The following CCNY variants were observed in gnomAD, a reference collection of about 807,000 sequenced individuals.
CCNY encodes cyclin Y, also known as cyclin-Y.
CCNY carries 19 observed loss-of-function variants against 42.8 expected under a neutral mutation model. The observed-to-expected ratio is 0.44, with a 90% CI of 0.31 to 0.65. CCNY has a LOEUF of 0.65. Among genes scored for constraint, CCNY ranks in the 30% least tolerant of loss-of-function variants. The pLI, the probability that CCNY is intolerant of heterozygous loss-of-function variation, is 0.07. For missense variants in CCNY, 370 were observed against 437.3 expected (o/e 0.85, Z 1.37); for synonymous variants, 165 against 162.7 (o/e 1.01, Z -0.11).
At chr10:35,537,371 T>A (rs1423151460) in intron 7 of CCNY, among the ~76,000 whole-genome samples, 1 of 152,198 alleles carries the variant, frequency 6.6e-6, no homozygotes, top group African/African-American at 2.4e-5. Context: ...GAGTCCCTGC[T>A]GGGGCACTGC....
At chr10:35,300,533 T>C (rs1452254537) in intron 3 of CCNY, among the ~76,000 whole-genome samples, 1 of 152,214 alleles carries the variant, frequency 6.6e-6, no homozygotes, top group Non-Finnish European at 1.5e-5. Flanking sequence ...TACTGCTTCA[T>C]GGCCAGAAGC....
intron 1 of CCNY, among the ~76,000 whole-genome samples, chr10:35,346,706 A>G (rs1038585480): frequency 2.0e-5 from 3 of 152,188 alleles, no homozygotes; most frequent in African/African-American, 7.2e-5. Flanking sequence ...GCTCACTGCA[A>G]ACCTCCGCCT....
intron 1 of CCNY, among the ~76,000 whole-genome samples, chr10:35,461,598 C>T (rs1270744637): frequency 2.6e-5 from 4 of 152,064 alleles, no homozygotes; most frequent in African/African-American, 7.2e-5. Context: ...TTCAGAAACC[C>T]GACCAAAGCT....
chr10:35,554,484 A>C (rs1187765551), intron 8 of CCNY, among the ~76,000 whole-genome samples: 8 of 152,232 alleles, frequency 5.3e-5, no homozygotes, highest in Non-Finnish European at 1.2e-4. Flanking sequence ...CTACTAAAAT[A>C]GTTGTCATTC....
chr10:35,287,858 G>GCA (rs1835372249), intron 3 of CCNY, among the ~76,000 whole-genome samples: 1 of 152,098 alleles, frequency 6.6e-6, no homozygotes, highest in African/African-American at 2.4e-5. Context: ...GTTTCAGCAT[G>GCA]TTGGCCACGC....
intron 1 of CCNY, among the ~76,000 whole-genome samples, chr10:35,436,315 C>T (rs781190914): frequency 9.9e-5 from 15 of 152,230 alleles, no homozygotes; most frequent in Non-Finnish European, 2.1e-4. Context: ...CACCCCTCAG[C>T]AGGTATCTAG....
intron 3 of CCNY, among the ~76,000 whole-genome samples, chr10:35,513,793 T>C (rs1840369780): frequency 6.6e-6 from 1 of 152,162 alleles, no homozygotes; most frequent in South Asian, 2.1e-4. Context: ...CTAGCAAAGA[T>C]GGGAACCTAA....
At chr10:35,561,232 A>C (rs544096580) in intron 8 of CCNY, among the ~76,000 whole-genome samples, 1 of 152,250 alleles carries the variant, frequency 6.6e-6, no homozygotes, top group East Asian at 1.9e-4. Flanking sequence ...AAGTGGGAAA[A>C]GAGTCAGTGG....
chr10:35,355,924 A>G (rs1336329345), intron 1 of CCNY, among the ~76,000 whole-genome samples: 1 of 149,202 alleles, frequency 6.7e-6, no homozygotes, highest in East Asian at 2.0e-4. Flanking sequence ...TTTTTTTTTT[A>G]GCAGCTTATG....
intron 3 of CCNY, among the ~76,000 whole-genome samples, chr10:35,322,353 CAAAA>C (rs34956470): frequency 9.8e-6 from 1 of 101,752 alleles, no homozygotes; most frequent in Non-Finnish European, 2.0e-5. Flanking sequence ...GACTCTGTCT[CAAAA>C]AAAAAAAAAA....
chr10:35,529,947 T>C (rs767736954), intron 5 of CCNY, 26 bp from the exon 6 acceptor site: 3 of 1,592,012 alleles, frequency 1.9e-6, no homozygotes, highest in Non-Finnish European at 2.6e-6. Context: ...AAAGTAAGTT[T>C]CATTTTCTAT....
At chr10:35,550,690 A>G (rs1379862307) in intron 7 of CCNY, among the ~76,000 whole-genome samples, 1 of 152,178 alleles carries the variant, frequency 6.6e-6, no homozygotes, top group Non-Finnish European at 1.5e-5. Flanking sequence ...TAGTTTAGGC[A>G]CTTGCAAACA....
intron 4 of CCNY, among the ~76,000 whole-genome samples, chr10:35,524,031 C>T (rs772500299): frequency 2.6e-5 from 4 of 152,192 alleles, no homozygotes; most frequent in Non-Finnish European, 4.4e-5. Flanking sequence ...GAAGAACAGT[C>T]ATCACAGCAT....
chr10:35,418,270 T>C (rs1185191280), intron 1 of CCNY, among the ~76,000 whole-genome samples: 1 of 152,132 alleles, frequency 6.6e-6, no homozygotes, highest in African/African-American at 2.4e-5. Context: ...ACCAAATGTG[T>C]AGCTGTGTCT....
intron 1 of CCNY, among the ~76,000 whole-genome samples, chr10:35,391,065 C>T (rs1837402726): frequency 1.3e-5 from 2 of 152,156 alleles, no homozygotes; most frequent in Non-Finnish European, 2.9e-5. Context: ...TGCTTGTTCC[C>T]CAGTGCCGCA....
chr10:35,372,983 G>T (rs1836971680), intron 1 of CCNY, among the ~76,000 whole-genome samples: 1 of 152,190 alleles, frequency 6.6e-6, no homozygotes, highest in African/African-American at 2.4e-5. Flanking sequence ...TAGGCATGAG[G>T]CACCATGCCT....
chr10:35,354,337 C>T (rs1165744670), intron 1 of CCNY, among the ~76,000 whole-genome samples: 1 of 152,062 alleles, frequency 6.6e-6, no homozygotes, highest in African/African-American at 2.4e-5. Context: ...AGGCGCCCAC[C>T]ACCACGCCTG....
intron 3 of CCNY, among the ~76,000 whole-genome samples, chr10:35,307,692 A>G (rs1399827766): frequency 6.6e-6 from 1 of 150,732 alleles, no homozygotes. Flanking sequence ...GTGTATATCT[A>G]CACGTGTATA....
chr10:35,559,698 C>T (rs972772188), intron 8 of CCNY, among the ~76,000 whole-genome samples: 9 of 152,202 alleles, frequency 5.9e-5, no homozygotes, highest in Non-Finnish European at 1.0e-4. Flanking sequence ...TGGCATTCCA[C>T]GGGCCAGCAG....
Sources: gnomAD v4.1 joint callset for allele counts (sites outside exome capture counted in the v4.1 genomes callset) on GRCh38, gnomAD v4.1.1 for gene constraint, MANE v1.5 for transcripts, NCBI Gene and HGNC (gene_info 2026-07-23, HGNC 2026-07-21) for gene names.